LAMP5: variants seen among roughly 807,000 people sequenced by gnomAD.
LAMP5 encodes the protein lysosome-associated membrane glycoprotein 5.
In LAMP5, 36 loss-of-function variants were observed where a neutral mutation model predicts 30.2. That is an observed-to-expected ratio of 1.19 (90% CI 0.91 to 1.57). The LOEUF is 1.57. LAMP5 is among the 40% of genes most tolerant of loss of function. LAMP5 has a pLI of 0.00. For synonymous variants in LAMP5, 149 were observed against 134.6 expected, an observed-to-expected ratio of 1.11 and a Z score of -0.74; for missense variants, 377 against 354.9, an observed-to-expected ratio of 1.06 and a Z score of -0.50.
At chr20:9,523,187 T>C (rs2045090430) in intron 5 of LAMP5, among the ~76,000 whole-genome samples, 1 of 152,126 alleles carries the variant, frequency 6.6e-6, no homozygotes, top group African/African-American at 2.4e-5. Context: ...CAAAATATAT[T>C]TTGCTGATGT....
chr20:9,528,082 GA>G (rs969797273), intron 5 of LAMP5, among the ~76,000 whole-genome samples: 2 of 152,170 alleles, frequency 1.3e-5, no homozygotes, highest in Non-Finnish European at 2.9e-5. Flanking sequence ...TATGGATAAA[GA>G]AAATGTGGTG....
intron 5 of LAMP5, among the ~76,000 whole-genome samples, chr20:9,521,587 C>T (rs2045079972): frequency 6.6e-6 from 1 of 152,156 alleles, no homozygotes; most frequent in African/African-American, 2.4e-5. Flanking sequence ...CAACTATCAC[C>T]TCTGCAATAG....
chr20:9,520,030 G>C (rs1038161310), intron 5 of LAMP5, among the ~76,000 whole-genome samples: 6 of 152,222 alleles, frequency 3.9e-5, no homozygotes, highest in African/African-American at 1.4e-4. Context: ...TCATTGCATG[G>C]AGTAAATGGT....
At chr20:9,524,408 T>C (rs1032727892) in intron 5 of LAMP5, among the ~76,000 whole-genome samples, 26 of 151,806 alleles carry the variant, frequency 1.7e-4, no homozygotes, top group African/African-American at 6.0e-4. Context: ...GGATAACTAT[T>C]GTTTGTCAAA....
Position 9,515,528 on chromosome 20 carries a change from T to G in LAMP5, c.140T>G (p.Ile47Arg). 1 of 1,614,144 alleles carries G rather than the reference T, an allele frequency of 6.2e-7. No homozygotes were observed. Among genetic ancestry groups the G allele is most frequent in the Non-Finnish European group, 8.5e-7 (1 of 1,180,010 alleles). Residue 47 changes from isoleucine (I) to arginine (R), a missense_variant, in exon 2 of 6, where the codon ATA becomes AGA. By Grantham distance (97) the Ile-to-Arg change is moderately conservative. Transcript: ENST00000246070. ...CTTTCCACTAACCCTGAAAAAGATA[T>G]ATTTGTGGTGCGGGAAAATGGGACG... is the stretch of plus-strand genomic sequence containing the variant. ...SGLSTNPEKD[I>R]FVVRENGTTC...
Position 9,529,642 on chromosome 20 carries a change from A to G in LAMP5, c.665A>G (p.Glu222Gly). The stretch of plus-strand genomic sequence containing the variant: ...CTGCTTTTCTTCTTTCCCATTGCAG[A>G]GCATAAATGCCCAGTGGATGAGCGG... ...DIISDFVFSE[E>G]HKCPVDEREQ... Residue 222 changes from glutamate to glycine, a missense_variant and splice_region_variant, in exon 6 of 6, where the codon GAG (glutamate) becomes GGG (glycine). Glu to Gly is a moderately conservative substitution (Grantham distance 98). Transcript: ENST00000246070. 6.2e-7 allele frequency: 1 copy of G among 1,613,358 alleles called. No homozygotes were observed. Among genetic ancestry groups the G allele is most frequent in the South Asian group, 1.1e-5 (1 of 90,972 alleles).
chr20:9,527,711 C>T (rs1220737544), intron 5 of LAMP5, among the ~76,000 whole-genome samples: 1 of 152,188 alleles, frequency 6.6e-6, no homozygotes, highest in Non-Finnish European at 1.5e-5. Flanking sequence ...TGAGCCTGTT[C>T]TAGTTTCTAG....
At chr20:9,519,694 T>A (rs898127225) in intron 5 of LAMP5, among the ~76,000 whole-genome samples, 5 of 152,224 alleles carry the variant, frequency 3.3e-5, no homozygotes, top group African/African-American at 9.6e-5. Flanking sequence ...ATTATGAAAA[T>A]AATTGGACTA....
At chr20:9,523,370 T>A (rs2045091554) in intron 5 of LAMP5, among the ~76,000 whole-genome samples, 1 of 152,184 alleles carries the variant, frequency 6.6e-6, no homozygotes, top group Non-Finnish European at 1.5e-5. Flanking sequence ...AGCTTGCCTC[T>A]GCTTCCCATT....
In LAMP5 at chr20:9,524,613, A is replaced by AAC. The variant is rs1555891701; in HGVS notation, c.665-5028_665-5027insCA. ...ATCGAACTAAAAAAAAAAAAAAAAAAAAACAAACAAAAAAAACCTTGGTGC... is the reference window on the plus strand; with the variant it reads ...ATCGAACTAAAAAAAAAAAAAAAAAAACAAACAAACAAAAAAAACCTTGGTGC... On this transcript the variant is annotated intron_variant, in intron 5 of 5. Transcript: ENST00000246070. 1.8e-3 allele frequency among the ~76,000 whole-genome samples: 269 copies of AAC among 146,396 alleles called. 1 individual carries two copies. The highest frequency in any genetic ancestry group is 6.9e-3 in the African/African-American group (265 of 38,674).
chr20:9,530,002 G>A lies in LAMP5; in HGVS notation c.*182G>A, dbSNP rs941642446. 9.4e-6 allele frequency: 5 copies of A among 530,570 alleles called. No individual in the cohort carries two copies. The highest frequency in any genetic ancestry group is 3.8e-5 in the African/African-American group (2 of 53,174). The allele number at this position is 530,570 out of a possible 1,614,324, so 32.9% of individuals were successfully genotyped here. A position where few individuals can be genotyped will look rare whatever the true frequency, so the allele number is the denominator to read the frequency against. On this transcript the variant is annotated 3_prime_UTR_variant, in exon 6 of 6. Coordinates refer to ENST00000246070, the MANE Select transcript of LAMP5 (RefSeq NM_012261.4). ...ACCCACGGAAGGGGGAGACTCTTTCGGATTTGTAGGGTGAAATGGCAATTA... is the reference window on the plus strand; with the variant it reads ...ACCCACGGAAGGGGGAGACTCTTTCAGATTTGTAGGGTGAAATGGCAATTA...
At position 9,515,571 on chromosome 20, in the gene LAMP5, G is replaced by A. The variant is rs773461860; in HGVS notation, c.183G>A (p.Glu61=). Residue 61 remains glutamate, a synonymous_variant, in exon 2 of 6, where the codon GAG becomes GAA. Transcript: ENST00000246070. ...ATGGGACGACGTGTCTCATGGCAGA[G>A]TTTGCAGCCAAATTTATTGTACCTT... ...RENGTTCLMA[E]FAAKFIVPYD... is the part of the protein sequence containing the mutation. The A allele has an allele frequency of 1.9e-6, 3 of 1,614,164 alleles. No homozygotes were observed. The highest frequency in any genetic ancestry group is 2.5e-6 in the Non-Finnish European group (3 of 1,180,040).
intron 5 of LAMP5, among the ~76,000 whole-genome samples, chr20:9,522,612 C>T (rs2045086386): frequency 6.6e-6 from 1 of 152,218 alleles, no homozygotes; most frequent in South Asian, 2.1e-4. Context: ...ATACTGTCCT[C>T]TGGAGAGAGC....
At chr20:9,516,462 A>T in intron 4 of LAMP5, 101 bp downstream of exon 4, 7 of 998,436 alleles carry the variant, frequency 7.0e-6, no homozygotes, top group Non-Finnish European at 1.1e-5. Flanking sequence ...CCACGCTTTG[A>T]GGTCCCAGGC....
At chr20:9,518,386 G>A (rs2045057443) in intron 5 of LAMP5, among the ~76,000 whole-genome samples, 158 bp downstream of exon 5, 1 of 152,196 alleles carries the variant, frequency 6.6e-6, no homozygotes, top group South Asian at 2.1e-4. Flanking sequence ...TAAAAAAGCA[G>A]TAAGCTGAAT....
Position 9,516,341 on chromosome 20 carries a change from A to G in LAMP5, c.455A>G (p.His152Arg), listed in dbSNP as rs765655602. ...GTCTACGACTCCTCGGAGAAAACCC[A>G]CTTCAAAGACGCAGTCAGTGGTGAG... The part of the protein sequence containing the change: ...QFVYDSSEKT[H>R]FKDAVSAGKH... Residue 152 changes from histidine to arginine, a missense_variant, in exon 4 of 6, where the codon CAC (histidine) becomes CGC (arginine). Physicochemically the swap from His to Arg is conservative, Grantham distance 29. Coordinates refer to ENST00000246070, the MANE Select transcript of LAMP5 (RefSeq NM_012261.4). 2.4e-5 allele frequency: 39 copies of G among 1,613,934 alleles called. No individual in the cohort carries two copies. The East Asian group carries it at 7.8e-4, about 32-fold the overall frequency.
At chr20:9,519,175 A>G (rs1180221489) in intron 5 of LAMP5, among the ~76,000 whole-genome samples, 1 of 152,240 alleles carries the variant, frequency 6.6e-6, no homozygotes, top group African/African-American at 2.4e-5. Flanking sequence ...CTCCCTCACA[A>G]AGGAGGTTAT....
At position 9,517,987 on chromosome 20, in the gene LAMP5, A is replaced by T. The variant is rs2122832333; in HGVS notation, c.476-53A>T. On this transcript the variant is annotated intron_variant, in intron 4 of 5. Coordinates refer to ENST00000246070, the MANE Select transcript of LAMP5 (RefSeq NM_012261.4). ...GAGGCAATAGCCAGCTCTCTGGCAC[A>T]TTAGGTTAGGAACAATGAGGGTTCT... 4.0e-6 allele frequency: 4 copies of T among 1,003,410 alleles called. No homozygotes were observed. The South Asian group carries it at 4.9e-5, about 12-fold the overall frequency. 62.2% of individuals were successfully genotyped at this position (1,003,410 alleles called of 1,614,324 possible).
chr20:9,515,710 G>A (rs2045032077), intron 2 of LAMP5, 85 bp downstream of exon 2: 2 of 1,458,322 alleles, frequency 1.4e-6, no homozygotes, highest in Non-Finnish European at 1.9e-6. Flanking sequence ...GAAGACCTGG[G>A]TTGCCCGCCT....
Sources: allele counts gnomAD v4.1 joint callset (sites outside exome capture counted in the v4.1 genomes callset), GRCh38; gene constraint gnomAD v4.1.1; transcripts MANE v1.5; gene names NCBI Gene and HGNC (gene_info 2026-07-23, HGNC 2026-07-21).